The following CSMD1 variants were observed in gnomAD, a reference collection of about 807,000 sequenced individuals.
CSMD1 encodes the protein CUB and sushi domain-containing protein 1.
A neutral mutation model predicts 417.5 loss-of-function variants in CSMD1; 213 were observed. The observed-to-expected ratio is 0.51, with a 90% confidence interval of 0.46 to 0.57. The LOEUF (loss-of-function observed/expected upper bound fraction) is 0.57. Ranked by LOEUF, CSMD1 falls within the 20% of genes least tolerant of loss-of-function variation. The pLI is 0.00. For synonymous variants in CSMD1, 2,862 were observed against 1,736.8 expected (o/e 1.65, Z -16.11); for missense variants, 6,923 against 4,529.7 (o/e 1.53, Z -15.17).
chr8:3,900,763 C>T (rs1807693622), intron 5 of CSMD1, among the ~76,000 whole-genome samples: 1 of 151,716 alleles, frequency 6.6e-6, no homozygotes, highest in Admixed American at 6.6e-5. Flanking sequence ...GGTGACAGTA[C>T]AGCTGGGTGA....
At chr8:4,139,958 G>C (rs915793499) in intron 3 of CSMD1, among the ~76,000 whole-genome samples, 1 of 132,938 alleles carries the variant, frequency 7.5e-6, no homozygotes, top group Non-Finnish European at 1.7e-5. Context: ...GCAAGGGCAG[G>C]TGAAACTATG....
In CSMD1 at chr8:4,013,730, G is replaced by A. The variant is rs953276098; in HGVS notation, c.611-15620C>T. ...CCCAGCAGCTACAACAAATGTTGGC[G>A]AACTATAGCTTGTGGGTTACATTCA... On this transcript the variant is annotated intron_variant, in intron 4 of 69. Transcript: ENST00000635120. Among the ~76,000 whole-genome samples, 67 of 152,238 alleles carry A rather than the reference G, an allele frequency of 4.4e-4. 1 individual carries two copies. Among genetic ancestry groups the A allele is most frequent in the African/African-American group, 1.4e-3 (59 of 41,528 alleles).
intron 4 of CSMD1, among the ~76,000 whole-genome samples, chr8:4,021,904 C>G (rs1473477788): frequency 6.6e-6 from 1 of 151,916 alleles, no homozygotes; most frequent in African/African-American, 2.4e-5. Context: ...CAAACTACCC[C>G]AGATCATCAA....
At chr8:4,741,502 C>T (rs938153815) in intron 1 of CSMD1, among the ~76,000 whole-genome samples, 2 of 151,878 alleles carry the variant, frequency 1.3e-5, no homozygotes, top group African/African-American at 2.4e-5. Context: ...TAGTAGAATC[C>T]GTAAGCATGA....
intron 5 of CSMD1, among the ~76,000 whole-genome samples, chr8:3,797,698 G>C (rs1027364148): frequency 6.6e-6 from 1 of 151,634 alleles, no homozygotes; most frequent in Non-Finnish European, 1.5e-5. Context: ...TCACCTTTTG[G>C]CTAATACAAA....
intron 37 of CSMD1, among the ~76,000 whole-genome samples, chr8:3,180,294 G>A (rs1407814193): frequency 6.6e-6 from 1 of 152,160 alleles, no homozygotes; most frequent in Non-Finnish European, 1.5e-5. Context: ...AAAGGTTAGA[G>A]TCGACTGTGC....
At chr8:4,406,220 C>A (rs984166469) in intron 3 of CSMD1, among the ~76,000 whole-genome samples, 1 of 152,126 alleles carries the variant, frequency 6.6e-6, no homozygotes, top group African/African-American at 2.4e-5. Context: ...TAATGTGCTC[C>A]AAAGTCCCCC....
chr8:3,001,948 AT>A (rs1333932213), intron 52 of CSMD1, among the ~76,000 whole-genome samples: 1 of 152,202 alleles, frequency 6.6e-6, no homozygotes, highest in East Asian at 1.9e-4. Context: ...GTTTAGAAAC[AT>A]TGTGTTCTCC....
intron 26 of CSMD1, among the ~76,000 whole-genome samples, chr8:3,253,306 C>T (rs554937422): frequency 5.3e-5 from 8 of 152,218 alleles, no homozygotes; most frequent in East Asian, 1.9e-4. Context: ...CACTCAGGAG[C>T]AGGTCGTTCA....
At chr8:3,784,146 C>G (rs1241353954) in intron 5 of CSMD1, among the ~76,000 whole-genome samples, 2 of 152,310 alleles carry the variant, frequency 1.3e-5, no homozygotes, top group South Asian at 2.1e-4. Context: ...CTCTTTCTCT[C>G]TCTCATGCAT....
intron 3 of CSMD1, among the ~76,000 whole-genome samples, chr8:4,077,279 C>CTATATATATATATGTGTATATATATATA (rs1281597523): frequency 1.0e-3 from 99 of 94,826 alleles, no homozygotes; most frequent in African/African-American, 4.1e-3. Context: ...CATTTGTCAC[C>CTATATATATATATGTGTATATATATATA]TATATATATA....
chr8:4,118,909 C>G (rs113519003), intron 3 of CSMD1, among the ~76,000 whole-genome samples: 14 of 152,266 alleles, frequency 9.2e-5, no homozygotes, highest in African/African-American at 2.9e-4. Flanking sequence ...TACTATGCAG[C>G]CATTAAAAAG....
chr8:4,578,950 T>G (rs1356799948), intron 2 of CSMD1, among the ~76,000 whole-genome samples: 1 of 152,002 alleles, frequency 6.6e-6, no homozygotes, highest in Non-Finnish European at 1.5e-5. Context: ...ATACATTTAA[T>G]TAAAATGATT....
At chr8:4,824,319 T>C (rs1178768766) in intron 1 of CSMD1, among the ~76,000 whole-genome samples, 2 of 152,020 alleles carry the variant, frequency 1.3e-5, no homozygotes, top group African/African-American at 2.4e-5. Flanking sequence ...ATACTTTGTG[T>C]TATTTGGTTG....
chr8:3,187,738 G>C (rs1796146458), intron 36 of CSMD1, 131 bp downstream of exon 36: 1 of 665,196 alleles, frequency 1.5e-6, no homozygotes, highest in Non-Finnish European at 2.7e-6. Context: ...TTCAGCACTA[G>C]AGCAACCATT....
chr8:4,756,049 A>T (rs1429564964), intron 1 of CSMD1, among the ~76,000 whole-genome samples: 1 of 152,238 alleles, frequency 6.6e-6, no homozygotes, highest in Non-Finnish European at 1.5e-5. Flanking sequence ...ACAAATGCTA[A>T]ATCTCCAACC....
chr8:4,991,106 T>C (rs1234557609), intron 1 of CSMD1, among the ~76,000 whole-genome samples: 2 of 152,140 alleles, frequency 1.3e-5, no homozygotes, highest in East Asian at 3.9e-4. Context: ...TGGCTGCACA[T>C]ATGCAAGAAA....
chr8:3,894,985 C>G (rs1254047037), intron 5 of CSMD1, among the ~76,000 whole-genome samples: 1 of 152,166 alleles, frequency 6.6e-6, no homozygotes, highest in Non-Finnish European at 1.5e-5. Flanking sequence ...AATCATGAAT[C>G]TCCCATTTGG....
chr8:3,833,964 T>C (rs1265882681), intron 5 of CSMD1, among the ~76,000 whole-genome samples: 4 of 152,184 alleles, frequency 2.6e-5, no homozygotes, highest in Non-Finnish European at 4.4e-5. Flanking sequence ...TTCTTTCAAT[T>C]CACCTTTCCT....
Sources: allele counts gnomAD v4.1 joint callset (sites outside exome capture counted in the v4.1 genomes callset), GRCh38; gene constraint gnomAD v4.1.1; transcripts MANE v1.5; gene names NCBI Gene and HGNC (gene_info 2026-07-23, HGNC 2026-07-21).